The following C8orf34 variants were observed in gnomAD, a reference collection of about 807,000 sequenced individuals.
The protein encoded by C8orf34 is chromosome 8 open reading frame 34.
C8orf34 carries 65 observed loss-of-function variants against 68.3 expected under a neutral mutation model. The ratio of observed to expected loss-of-function variants is 0.95; its 90% CI spans 0.78 to 1.17. The LOEUF is 1.17. C8orf34 is among the 50% of genes most tolerant of loss of function. The probability of loss-of-function intolerance (pLI) is 0.00; values close to 1 mark genes in which losing one functional copy is unlikely to be tolerated. For missense variants in C8orf34, 664 were observed against 655.4 expected, an observed-to-expected ratio of 1.01 and a Z score of -0.14; for synonymous variants, 244 against 241.2, an observed-to-expected ratio of 1.01 and a Z score of -0.11.
intron 5 of C8orf34, among the ~76,000 whole-genome samples, chr8:68,502,734 T>C (rs149963699): frequency 3.1e-4 from 47 of 152,300 alleles, no homozygotes; most frequent in African/African-American, 1.1e-3. Flanking sequence ...TGTAGAATTA[T>C]GAAATTAGAC....
intron 7 of C8orf34, chr8:68,534,482 T>A: frequency 1.7e-6 from 1 of 592,798 alleles, no homozygotes; most frequent in Non-Finnish European, 2.1e-6. Flanking sequence ...AATACGTCAC[T>A]ACCTGTGCTA....
rs147145841 is a variant in C8orf34, at chr8:68,671,406, C to T, written c.1241+30895C>T. 1.9e-3 allele frequency among the ~76,000 whole-genome samples: 295 copies of T among 152,166 alleles called. 5 individuals are homozygous for T. The East Asian group carries it at 0.043, about 22-fold the overall frequency. ...GCCACTTAGTTGCAAGTTACTGAGA[C>T]GAGAAACAGCTGTATCTAATACTTT... On this transcript the variant is annotated intron_variant, in intron 8 of 13. Transcript: ENST00000518698.
At chr8:68,410,260 T>C (rs1177487707) in intron 1 of C8orf34, among the ~76,000 whole-genome samples, 1 of 152,156 alleles carries the variant, frequency 6.6e-6, no homozygotes, top group African/African-American at 2.4e-5. Flanking sequence ...GGCTTCCTTG[T>C]ACAATACAGT....
intron 1 of C8orf34, among the ~76,000 whole-genome samples, chr8:68,429,847 G>A (rs1368840669): frequency 6.6e-6 from 1 of 152,196 alleles, no homozygotes; most frequent in Non-Finnish European, 1.5e-5. Flanking sequence ...ACAGGCAAAA[G>A]TGAACTGTGG....
intron 4 of C8orf34, among the ~76,000 whole-genome samples, chr8:68,472,977 C>A (rs962016133): frequency 6.6e-5 from 10 of 152,096 alleles, no homozygotes; most frequent in South Asian, 2.1e-4. Context: ...AACAAAAAAA[C>A]CCCCACAAAA....
chr8:68,754,946 C>T (rs1276538178), intron 10 of C8orf34, among the ~76,000 whole-genome samples: 1 of 151,968 alleles, frequency 6.6e-6, no homozygotes, highest in Non-Finnish European at 1.5e-5. Flanking sequence ...AAATAGTATA[C>T]TTATATATTT....
intron 8 of C8orf34, among the ~76,000 whole-genome samples, chr8:68,670,265 C>G (rs1819967463): frequency 6.6e-6 from 1 of 152,094 alleles, no homozygotes; most frequent in Non-Finnish European, 1.5e-5. Flanking sequence ...TTCTCATGTC[C>G]CCCCAATCCT....
At chr8:68,625,418 A>G (rs773273268) in intron 7 of C8orf34, 1 of 518,562 alleles carries the variant, frequency 1.9e-6, no homozygotes, top group Non-Finnish European at 3.4e-6. Flanking sequence ...AGAATGCTGC[A>G]TGAGATGTTA....
intron 7 of C8orf34, among the ~76,000 whole-genome samples, chr8:68,637,114 A>T (rs988808537): frequency 2.3e-4 from 35 of 152,222 alleles, no homozygotes; most frequent in Non-Finnish European, 1.0e-4. Flanking sequence ...TACATATACC[A>T]CCATGACTAG....
At chr8:68,346,871 C>G (rs1806306403) in intron 1 of C8orf34, among the ~76,000 whole-genome samples, 1 of 151,990 alleles carries the variant, frequency 6.6e-6, no homozygotes, top group African/African-American at 2.4e-5. Flanking sequence ...TTAGTTCCTT[C>G]CAAGTTTTGG....
chr8:68,633,548 C>G (rs1447643248), intron 7 of C8orf34, among the ~76,000 whole-genome samples: 1 of 152,184 alleles, frequency 6.6e-6, no homozygotes, highest in Admixed American at 6.5e-5. Flanking sequence ...TTCTTTACCA[C>G]TGTTATCTTA....
chr8:68,611,038 T>C (rs1395006073), intron 7 of C8orf34, among the ~76,000 whole-genome samples: 1 of 152,040 alleles, frequency 6.6e-6, no homozygotes, highest in Non-Finnish European at 1.5e-5. Context: ...CAGCTAATTT[T>C]GTATTTTTAG....
chr8:68,510,354 G>A (rs1814211858), intron 5 of C8orf34, among the ~76,000 whole-genome samples: 1 of 152,164 alleles, frequency 6.6e-6, no homozygotes, highest in African/African-American at 2.4e-5. Flanking sequence ...TTTCCCAAAA[G>A]GAAACCTCTG....
At chr8:68,481,021 GTCAGAGACTT>G (rs1352484434) in intron 4 of C8orf34, among the ~76,000 whole-genome samples, 6 of 152,210 alleles carry the variant, frequency 3.9e-5, no homozygotes, top group African/African-American at 7.2e-5. Context: ...TCCAGGCTAT[GTCAGAGACTT>G]TCATGACAGC....
chr8:68,683,899 T>C (rs1403212051), intron 8 of C8orf34, among the ~76,000 whole-genome samples: 3 of 152,100 alleles, frequency 2.0e-5, no homozygotes, highest in Admixed American at 2.0e-4. Context: ...TCCCAGTGAG[T>C]GTAACTCCCA....
chr8:68,797,478 A>C (rs757336504), intron 12 of C8orf34, among the ~76,000 whole-genome samples: 3 of 152,102 alleles, frequency 2.0e-5, no homozygotes, highest in Non-Finnish European at 4.4e-5. Flanking sequence ...AGAAGAGCTT[A>C]GTACAATAAG....
intron 1 of C8orf34, among the ~76,000 whole-genome samples, chr8:68,423,505 G>C (rs1310979880): frequency 6.6e-6 from 1 of 152,148 alleles, no homozygotes; most frequent in Non-Finnish European, 1.5e-5. Flanking sequence ...AATCTAGGAA[G>C]TTCCAAATTT....
intron 8 of C8orf34, among the ~76,000 whole-genome samples, chr8:68,655,812 C>T (rs547967839): frequency 2.0e-5 from 3 of 152,250 alleles, no homozygotes; most frequent in African/African-American, 7.2e-5. Context: ...ATTTAAAACC[C>T]TGTGTTTATC....
intron 7 of C8orf34, among the ~76,000 whole-genome samples, chr8:68,621,203 TG>T (rs1818379573): frequency 6.6e-6 from 1 of 152,132 alleles, no homozygotes; most frequent in Non-Finnish European, 1.5e-5. Context: ...GCTGGGACAG[TG>T]GGGACAAAGT....
Sources: allele counts gnomAD v4.1 joint callset (sites outside exome capture counted in the v4.1 genomes callset), GRCh38; gene constraint gnomAD v4.1.1; transcripts MANE v1.5; gene names NCBI Gene and HGNC (gene_info 2026-07-23, HGNC 2026-07-21).